The following MPHOSPH8 variants were observed in gnomAD, a reference collection of about 807,000 sequenced individuals.
MPHOSPH8 encodes the protein M-phase phosphoprotein 8, also known as M-phase phosphoprotein, mpp.
A neutral mutation model predicts 87.3 loss-of-function variants in MPHOSPH8; 45 were observed. That is an observed-to-expected ratio of 0.52 (90% CI 0.41 to 0.66). MPHOSPH8 has a LOEUF of 0.66. Ranked by LOEUF, MPHOSPH8 falls within the 30% of genes least tolerant of loss-of-function variation. The pLI, the probability that MPHOSPH8 is intolerant of heterozygous loss-of-function variation, is 0.00. For synonymous variants in MPHOSPH8, 366 were observed against 376.9 expected, an observed-to-expected ratio of 0.97 and a Z score of 0.33; for missense variants, 883 against 1,020.2, an observed-to-expected ratio of 0.87 and a Z score of 1.83.
Position 19,659,212 on chromosome 13 carries a change from G to T in MPHOSPH8, c.1714G>T (p.Asp572Tyr), listed in dbSNP as rs1375472189. ...TTCTTTCATTTTAGATGTGTTAAGG[G>T]ATGCTGTGAAAAATGGGGATTATAT... ...TDAIPSNVLRDAVKNGDYITV... is the reference protein window; with the variant it reads ...TDAIPSNVLRYAVKNGDYITV... Residue 572 changes from aspartate (D) to tyrosine (Y), a missense_variant, in exon 7 of 14, where the codon GAT (aspartate) becomes TAT (tyrosine). By Grantham distance (160) the Asp-to-Tyr change is radical. Coordinates refer to ENST00000361479, the MANE Select transcript of MPHOSPH8 (RefSeq NM_017520.4). 1 of 1,612,700 alleles carries T rather than the reference G, an allele frequency of 6.2e-7. No individual in the cohort carries two copies. The highest frequency in any genetic ancestry group is 1.7e-5 in the Admixed American group (1 of 59,862).
In MPHOSPH8 at chr13:19,666,561, T is replaced by G; in HGVS notation, c.2156T>G (p.Leu719Arg). Residue 719 changes from leucine to arginine, a missense_variant, in exon 10 of 14, where the codon CTG (leucine) becomes CGG (arginine). Physicochemically the swap from Leu to Arg is moderately radical, Grantham distance 102. Transcript: ENST00000361479. ...AACAATGTGCTTGTGTACGACTTGC[T>G]GAAGAACCATTTAGAGACGTAAGTG... ...QSNNVLVYDL[L>R]KNHLETLSRV... The G allele has an allele frequency of 1.3e-6, 2 of 1,585,420 alleles. No individual in the cohort carries two copies. Among genetic ancestry groups the G allele is most frequent in the Non-Finnish European group, 1.7e-6 (2 of 1,157,052 alleles).
At chr13:19,661,983 C>T (rs1375354554) in intron 8 of MPHOSPH8, 145 bp downstream of exon 8, 23 of 1,124,562 alleles carry the variant, frequency 2.0e-5, no homozygotes, top group Non-Finnish European at 2.2e-5. Context: ...GCTCTGTCGC[C>T]GAGGCTGGAG....
At position 19,647,250 on chromosome 13, in the gene MPHOSPH8, G is replaced by C. The variant is rs757494047; in HGVS notation, c.1177G>C (p.Gly393Arg). The change falls in exon 3 of 14, where the codon GGG becomes CGG. Residue 393 changes from glycine (G) to arginine (R), a missense_variant. By Grantham distance (125) the Gly-to-Arg change is moderately radical. Transcript: ENST00000361479. ...AQTPKGRRLSGEERGLWSTDS... is the reference protein window; with the variant it reads ...AQTPKGRRLSREERGLWSTDS... ...AACGCCAAAGGGCCGGAGGTTGAGCGGGGAAGAGAGAGGCCTCTGGTCCAC... is the reference window on the plus strand; with the variant it reads ...AACGCCAAAGGGCCGGAGGTTGAGCCGGGAAGAGAGAGGCCTCTGGTCCAC... 1.9e-6 allele frequency: 3 copies of C among 1,611,024 alleles called. No homozygotes were observed. Among genetic ancestry groups the C allele is most frequent in the South Asian group, 2.2e-5 (2 of 90,712 alleles).
intron 3 of MPHOSPH8, among the ~76,000 whole-genome samples, chr13:19,647,936 A>G (rs1874654315): frequency 6.6e-6 from 1 of 152,220 alleles, no homozygotes; most frequent in Non-Finnish European, 1.5e-5. Flanking sequence ...TATCTTCATT[A>G]GTGCTACAGC....
intron 5 of MPHOSPH8, among the ~76,000 whole-genome samples, chr13:19,656,499 C>A (rs1875183939): frequency 6.6e-6 from 1 of 152,112 alleles, no homozygotes; most frequent in African/African-American, 2.4e-5. Context: ...GTGGCTCACA[C>A]CTATAATCCC....
At position 19,642,162 on chromosome 13, in the gene MPHOSPH8, T is replaced by C; in HGVS notation, c.261T>C (p.Asp87=). Residue 87 remains aspartate, a synonymous_variant, in exon 2 of 14, where the codon GAT becomes GAC. Coordinates refer to ENST00000361479, the MANE Select transcript of MPHOSPH8 (RefSeq NM_017520.4). ...GCTGGAAAGGCTATACATCGGATGA[T>C]GATACCTGGGAGCCCGAGATTCACC... ...KVRWKGYTSD[D]DTWEPEIHLE... is the part of the protein sequence containing the mutation. The C allele has an allele frequency of 3.7e-6, 6 of 1,611,520 alleles. No individual in the cohort carries two copies. Among genetic ancestry groups the C allele is most frequent in the Non-Finnish European group, 4.2e-6 (5 of 1,179,168 alleles).
Position 19,659,236 on chromosome 13 carries a change from A to G in MPHOSPH8, c.1738A>G (p.Ile580Val), listed in dbSNP as rs1358375721. The G allele has an allele frequency of 6.2e-7, 1 of 1,612,768 alleles. No homozygotes were observed. The highest frequency in any genetic ancestry group is 8.5e-7 in the Non-Finnish European group (1 of 1,179,608). The change falls in exon 7 of 14, where the codon ATT becomes GTT. Residue 580 changes from isoleucine to valine, a missense_variant. Ile to Val is a conservative substitution (Grantham distance 29). Transcript: ENST00000361479. ...LRDAVKNGDY[I>V]TVKVALNSNE... Reference sequence around the variant, plus strand: ...GGATGCTGTGAAAAATGGGGATTATATTACTGTAAAAGTTGCACTTAATTC... The same window carrying G: ...GGATGCTGTGAAAAATGGGGATTATGTTACTGTAAAAGTTGCACTTAATTC...
At chr13:19,667,501 C>A (rs1413900373) in intron 10 of MPHOSPH8, among the ~76,000 whole-genome samples, 1 of 152,168 alleles carries the variant, frequency 6.6e-6, no homozygotes, top group African/African-American at 2.4e-5. Flanking sequence ...CCTTAAAAAG[C>A]CTGTGTTTTC....
chr13:19,653,840 A>G (rs1051045808), intron 5 of MPHOSPH8, among the ~76,000 whole-genome samples: 1 of 152,328 alleles, frequency 6.6e-6, no homozygotes, highest in Non-Finnish European at 1.5e-5. Context: ...AAATAAAGCA[A>G]GAAGACAAGA....
chr13:19,634,003 C>A (rs375559883), intron 1 of MPHOSPH8, 42 bp downstream of exon 1: 1 of 1,574,470 alleles, frequency 6.4e-7, no homozygotes, highest in Non-Finnish European at 8.6e-7. Context: ...CGGGGAGCTC[C>A]GGGCCTGGCG....
chr13:19,669,038 C>T (rs958186881), intron 11 of MPHOSPH8, among the ~76,000 whole-genome samples: 11 of 152,088 alleles, frequency 7.2e-5, no homozygotes, highest in Non-Finnish European at 1.5e-4. Flanking sequence ...GGGAGGAAGC[C>T]GGGCTCTGGC....
intron 5 of MPHOSPH8, 106 bp downstream of exon 5, chr13:19,650,366 CGAA>C (rs1874779689): frequency 2.3e-6 from 3 of 1,302,540 alleles, no homozygotes; most frequent in Non-Finnish European, 3.1e-6. Flanking sequence ...ATAATGGAGT[CGAA>C]GAGTTTATTT....
At chr13:19,640,364 A>G (rs1244652248) in intron 1 of MPHOSPH8, among the ~76,000 whole-genome samples, 1 of 152,190 alleles carries the variant, frequency 6.6e-6, no homozygotes, top group Non-Finnish European at 1.5e-5. Context: ...CCCTTTAACC[A>G]TTTAAAAATA....
chr13:19,670,626 T>G (rs1876069528), intron 12 of MPHOSPH8, among the ~76,000 whole-genome samples: 1 of 152,196 alleles, frequency 6.6e-6, no homozygotes, highest in Non-Finnish European at 1.5e-5. Context: ...AAATACTTAA[T>G]GATCTCAAAG....
rs1182220676 is a variant in MPHOSPH8, at chr13:19,673,073, C to A, written c.*1198C>A. The A allele has an allele frequency of 2.3e-6, 1 of 432,688 alleles. No individual in the cohort carries two copies. The highest frequency in any genetic ancestry group is 1.6e-5 in the South Asian group (1 of 60,728). 26.8% of individuals were successfully genotyped at this position (432,688 alleles called of 1,614,324 possible). On this transcript the variant is annotated 3_prime_UTR_variant, in exon 14 of 14. Transcript: ENST00000361479. Reference sequence around the variant, plus strand: ...TTGTCTCAAAAAAAAAAAAAAGTTTCTTGGAACCTATACGGTTTTTTTTTG... The same window carrying A: ...TTGTCTCAAAAAAAAAAAAAAGTTTATTGGAACCTATACGGTTTTTTTTTG...
chr13:19,654,964 A>G (rs1273126673), intron 5 of MPHOSPH8, among the ~76,000 whole-genome samples: 5 of 152,076 alleles, frequency 3.3e-5, no homozygotes, highest in African/African-American at 1.2e-4. Context: ...AAAAAAGAAA[A>G]ATGACAGGCC....
At chr13:19,658,472 CG>C (rs1555223356) in intron 5 of MPHOSPH8, among the ~76,000 whole-genome samples, 1 of 151,882 alleles carries the variant, frequency 6.6e-6, no homozygotes, top group Non-Finnish European at 1.5e-5. Context: ...CAATACCTCA[CG>C]GGGGTGGGTG....
intron 1 of MPHOSPH8, among the ~76,000 whole-genome samples, chr13:19,640,680 C>G (rs1179854689): frequency 6.6e-6 from 1 of 152,042 alleles, no homozygotes; most frequent in Non-Finnish European, 1.5e-5. Flanking sequence ...TGCCATCAAC[C>G]CTGGAAATGG....
intron 11 of MPHOSPH8, among the ~76,000 whole-genome samples, chr13:19,669,510 C>T (rs999643079): frequency 3.6e-5 from 4 of 110,404 alleles, no homozygotes; most frequent in Non-Finnish European, 7.5e-5. Flanking sequence ...CTGCATCCAC[C>T]AACTTTTTTT....
Sources: allele counts gnomAD v4.1 joint callset (sites outside exome capture counted in the v4.1 genomes callset), GRCh38; gene constraint gnomAD v4.1.1; transcripts MANE v1.5; gene names NCBI Gene and HGNC (gene_info 2026-07-23, HGNC 2026-07-21).